Variants in HS6ST3 observed in about 807,000 individuals in gnomAD.
HS6ST3 encodes heparan-sulfate 6-O-sulfotransferase 3.
A neutral mutation model predicts 36.7 loss-of-function variants in HS6ST3; 12 were observed. The ratio of observed to expected loss-of-function variants is 0.33; its 90% CI spans 0.21 to 0.53. The LOEUF (loss-of-function observed/expected upper bound fraction) is 0.53, where lower values mean the gene tolerates loss of function less well. Among genes scored for constraint, HS6ST3 ranks in the 20% least tolerant of loss-of-function variants. The probability of loss-of-function intolerance (pLI) is 0.95; values close to 1 mark genes in which losing one functional copy is unlikely to be tolerated. For missense variants in HS6ST3, 584 were observed against 640.9 expected (o/e 0.91, Z 0.96); for synonymous variants, 240 against 257.5 (o/e 0.93, Z 0.65).
intron 1 of HS6ST3, among the ~76,000 whole-genome samples, chr13:96,267,058 T>G (rs1467196597): frequency 1.3e-5 from 2 of 152,070 alleles, no homozygotes; most frequent in Non-Finnish European, 2.9e-5. Flanking sequence ...GAGCGGGTTT[T>G]TTGTGTGCTG....
chr13:96,419,058 C>G (rs1046620789), intron 1 of HS6ST3, among the ~76,000 whole-genome samples: 1 of 152,200 alleles, frequency 6.6e-6, no homozygotes, highest in African/African-American at 2.4e-5. Context: ...CTAAGTCAGA[C>G]TTTTTTTCTA....
At chr13:96,159,833 C>T (rs1193982208) in intron 1 of HS6ST3, among the ~76,000 whole-genome samples, 1 of 152,140 alleles carries the variant, frequency 6.6e-6, no homozygotes, top group Non-Finnish European at 1.5e-5. Flanking sequence ...CGTGTCCTTC[C>T]AGTGAACACT....
At chr13:96,555,279 A>G (rs988385645) in intron 1 of HS6ST3, among the ~76,000 whole-genome samples, 2 of 152,144 alleles carry the variant, frequency 1.3e-5, no homozygotes, top group Non-Finnish European at 2.9e-5. Flanking sequence ...ATACATTTTC[A>G]AAACGTCATG....
chr13:96,431,750 G>A (rs751236818), intron 1 of HS6ST3, among the ~76,000 whole-genome samples: 15 of 152,170 alleles, frequency 9.9e-5, no homozygotes, highest in Non-Finnish European at 8.8e-5. Context: ...ATCACTATTT[G>A]TCCAATTAGA....
chr13:96,334,932 A>G (rs1290628776), intron 1 of HS6ST3, among the ~76,000 whole-genome samples: 1 of 152,240 alleles, frequency 6.6e-6, no homozygotes, highest in Non-Finnish European at 1.5e-5. Flanking sequence ...TCAAGTACCT[A>G]GTTGATGCTT....
At chr13:96,230,824 G>A (rs1354714216) in intron 1 of HS6ST3, among the ~76,000 whole-genome samples, 1 of 152,088 alleles carries the variant, frequency 6.6e-6, no homozygotes, top group Non-Finnish European at 1.5e-5. Flanking sequence ...AAAGACAGAT[G>A]GTTCATGATA....
chr13:96,217,676 A>G (rs542983478), intron 1 of HS6ST3, among the ~76,000 whole-genome samples: 1 of 152,356 alleles, frequency 6.6e-6, no homozygotes, highest in South Asian at 2.1e-4. Context: ...CAAGTAGGGC[A>G]GGAATTTGAA....
rs533322327 is a variant in HS6ST3 at position 96,203,565 on chromosome 13, A to G, written c.707+111996A>G. ...CTAGTGTTAATCTGTTTTAAAATTA[A>G]TTTGCTTCCACTGTCTTCTTTCAAC... On this transcript the variant is annotated intron_variant, in intron 1 of 1. Coordinates refer to ENST00000376705, the MANE Select transcript of HS6ST3 (RefSeq NM_153456.4). 8.7e-4 allele frequency among the ~76,000 whole-genome samples: 133 copies of G among 152,250 alleles called. 1 individual carries two copies. Among genetic ancestry groups the G allele is most frequent in the Middle Eastern group, 3.4e-3 (1 of 294 alleles).
At chr13:96,612,731 C>T (rs1238317243) in intron 1 of HS6ST3, among the ~76,000 whole-genome samples, 2 of 152,128 alleles carry the variant, frequency 1.3e-5, no homozygotes, top group Non-Finnish European at 2.9e-5. Context: ...CAACATCTAC[C>T]TAATAAAATT....
chr13:96,590,815 T>C (rs1157452123), intron 1 of HS6ST3, among the ~76,000 whole-genome samples: 1 of 152,176 alleles, frequency 6.6e-6, no homozygotes, highest in Admixed American at 6.5e-5. Flanking sequence ...AGCAGTTTCA[T>C]AGTTTGAAGT....
intron 1 of HS6ST3, among the ~76,000 whole-genome samples, chr13:96,402,192 T>C (rs1346227175): frequency 1.3e-5 from 2 of 152,206 alleles, no homozygotes; most frequent in Non-Finnish European, 1.5e-5. Flanking sequence ...ATTAACTATC[T>C]ATATAAGACA....
chr13:96,170,930 T>TGC (rs1419417083), intron 1 of HS6ST3, among the ~76,000 whole-genome samples: 7 of 152,308 alleles, frequency 4.6e-5, no homozygotes, highest in African/African-American at 1.7e-4. Flanking sequence ...CACGCGCACG[T>TGC]GCGCACACAC....
intron 1 of HS6ST3, among the ~76,000 whole-genome samples, chr13:96,786,673 G>A (rs180939371): frequency 2.5e-4 from 38 of 152,112 alleles, no homozygotes; most frequent in Admixed American, 1.8e-3. Context: ...GCATGGGAAG[G>A]CATTACAAAT....
intron 1 of HS6ST3, among the ~76,000 whole-genome samples, chr13:96,440,478 A>C: frequency 1.9e-5 from 1 of 51,418 alleles, no homozygotes. Flanking sequence ...AGGGGAGGGG[A>C]GGGGAGGGGA....
intron 1 of HS6ST3, among the ~76,000 whole-genome samples, chr13:96,263,351 T>C (rs1461013614): frequency 3.9e-5 from 6 of 152,326 alleles, no homozygotes; most frequent in Non-Finnish European, 5.9e-5. Flanking sequence ...GGAGCCCAGG[T>C]TGAGAACCAT....
At chr13:96,831,382 G>T (rs1014815874) in intron 1 of HS6ST3, among the ~76,000 whole-genome samples, 2 of 152,160 alleles carry the variant, frequency 1.3e-5, no homozygotes, top group Non-Finnish European at 2.9e-5. Context: ...GAAAGCATGG[G>T]AGCTTTGAAA....
At chr13:96,567,168 T>G (rs1160358872) in intron 1 of HS6ST3, among the ~76,000 whole-genome samples, 1 of 152,148 alleles carries the variant, frequency 6.6e-6, no homozygotes, top group Admixed American at 6.5e-5. Flanking sequence ...CTTCTCTTTT[T>G]TCTTCTTCTT....
intron 1 of HS6ST3, among the ~76,000 whole-genome samples, chr13:96,505,904 T>C (rs142379209): frequency 6.6e-6 from 1 of 152,276 alleles, no homozygotes; most frequent in Non-Finnish European, 1.5e-5. Flanking sequence ...TTGTTTTAAA[T>C]GTAAAAGCAA....
intron 1 of HS6ST3, among the ~76,000 whole-genome samples, chr13:96,757,760 G>T (rs1876869817): frequency 6.6e-6 from 1 of 151,838 alleles, no homozygotes. Flanking sequence ...AATGAATATA[G>T]TGAATTACAT....
Sources: gnomAD v4.1 joint callset for allele counts (sites outside exome capture counted in the v4.1 genomes callset) on GRCh38, gnomAD v4.1.1 for gene constraint, MANE v1.5 for transcripts, NCBI Gene and HGNC (gene_info 2026-07-23, HGNC 2026-07-21) for gene names.